Variants in HDAC9 observed in about 807,000 individuals in gnomAD.
HDAC9 encodes the protein histone deacetylase 9, also known as MEF-2 interacting transcription repressor (MITR) protein.
Under a neutral mutation model 139.4 loss-of-function variants are expected in HDAC9, and 41 were observed. The observed-to-expected ratio is 0.29, with a 90% CI of 0.23 to 0.38. The LOEUF (loss-of-function observed/expected upper bound fraction) is 0.38. HDAC9 is among the 10% of genes least tolerant of loss of function. HDAC9 has a pLI of 1.00. For synonymous variants in HDAC9, 517 were observed against 476.2 expected (o/e 1.09, Z -1.12); for missense variants, 1,147 against 1,297.0 (o/e 0.88, Z 1.78).
chr7:18,115,284 C>G (rs1308906089), intron 1 of HDAC9, among the ~76,000 whole-genome samples: 1 of 107,500 alleles, frequency 9.3e-6, no homozygotes, highest in Non-Finnish European at 2.1e-5. Flanking sequence ...CAGAGCGAGA[C>G]TCTGTCTCAA....
intron 1 of HDAC9, chr7:18,430,542 TTATC>T (rs1790544662): frequency 6.6e-6 from 1 of 151,956 alleles, no homozygotes; most frequent in Middle Eastern, 3.4e-3. Context: ...TAAATTATAA[TTATC>T]TACACACATA....
At chr7:18,123,746 A>G (rs552527963) in intron 1 of HDAC9, among the ~76,000 whole-genome samples, 14 of 152,176 alleles carry the variant, frequency 9.2e-5, no homozygotes, top group Non-Finnish European at 1.8e-4. Flanking sequence ...TCATGATTCA[A>G]CATGCTTTTG....
chr7:18,470,706 A>G (rs1171164309), intron 1 of HDAC9, among the ~76,000 whole-genome samples: 2 of 152,154 alleles, frequency 1.3e-5, no homozygotes, highest in Non-Finnish European at 2.9e-5. Flanking sequence ...TATTCCAGTA[A>G]TACATTATTT....
At chr7:18,260,660 AC>A (rs1795610570) in intron 2 of HDAC9, 3 of 154,256 alleles carry the variant, frequency 1.9e-5, no homozygotes, top group Non-Finnish European at 4.4e-5. Flanking sequence ...AGTCAGTACA[AC>A]AGTCCTAGGA....
chr7:18,528,029 T>G, intron 2 of HDAC9, among the ~76,000 whole-genome samples: 1 of 152,022 alleles, frequency 6.6e-6, no homozygotes, highest in Non-Finnish European at 1.5e-5. Flanking sequence ...GGTGGTTCAC[T>G]TCTGTAATCC....
intron 22 of HDAC9, among the ~76,000 whole-genome samples, chr7:18,889,441 T>TA (rs34392281): frequency 0.023 from 3,533 of 151,516 alleles, 128 homozygotes; most frequent in African/African-American, 0.079. Flanking sequence ...TGGAGTGATT[T>TA]AAAAAAAAAT....
rs1372975451 is a variant in HDAC9 at position 18,772,968 on chromosome 7, T to C, written c.2214+5813T>C. The stretch of plus-strand genomic sequence containing the variant: ...ATACTCAATAATAGTTGTTGGGATG[T>C]AGACAACACTCCCTACAGAGATACA... On this transcript the variant is annotated intron_variant, in intron 16 of 25. Coordinates refer to ENST00000686413, the MANE Select transcript of HDAC9 (RefSeq NM_178425.4). Among the ~76,000 whole-genome samples, 5 of 152,246 alleles carry C rather than the reference T, an allele frequency of 3.3e-5. No individual in the cohort carries two copies. In the East Asian group the frequency reaches 9.7e-4, roughly 29 times the overall value.
At position 18,748,788 on chromosome 7, in the gene HDAC9, T is replaced by C. The variant is rs547422155; in HGVS notation, c.1910-217T>C. ...ATTTACTAAACTAGGGTCTGAGTAC[T>C]GGTTAATGCGTAAGTTCGTGTTTTT... On this transcript the variant is annotated intron_variant, in intron 13 of 25. Coordinates refer to ENST00000686413, the MANE Select transcript of HDAC9 (RefSeq NM_178425.4). Among the ~76,000 whole-genome samples, 3 of 152,356 alleles carry C rather than the reference T, an allele frequency of 2.0e-5. No individual in the cohort carries two copies. The Middle Eastern group carries it at 0.01, about 518-fold the overall frequency.
chr7:18,792,451 A>G (rs1446796394), intron 16 of HDAC9, among the ~76,000 whole-genome samples: 1 of 151,970 alleles, frequency 6.6e-6, no homozygotes, highest in Non-Finnish European at 1.5e-5. Context: ...AGTATTTTAT[A>G]TATTAAAAAT....
At chr7:18,144,884 G>A (rs1014707251) in intron 1 of HDAC9, among the ~76,000 whole-genome samples, 1 of 152,130 alleles carries the variant, frequency 6.6e-6, no homozygotes, top group Non-Finnish European at 1.5e-5. Context: ...ACTCCCTGAG[G>A]TCTGAGGAAT....
intron 2 of HDAC9, among the ~76,000 whole-genome samples, chr7:18,574,220 C>A (rs1196615800): frequency 6.6e-6 from 1 of 152,210 alleles, no homozygotes; most frequent in Non-Finnish European, 1.5e-5. Flanking sequence ...CAACACGTGT[C>A]CAGCTTTCAG....
chr7:18,938,274 T>C (rs906241341), intron 23 of HDAC9, among the ~76,000 whole-genome samples: 20 of 137,250 alleles, frequency 1.5e-4, no homozygotes, highest in Admixed American at 2.3e-4. Flanking sequence ...ATATGAGAGA[T>C]TACATATTCT....
chr7:18,616,882 A>C (rs907985518), intron 6 of HDAC9, among the ~76,000 whole-genome samples: 1 of 152,320 alleles, frequency 6.6e-6, no homozygotes, highest in South Asian at 2.1e-4. Flanking sequence ...TAGAGGTTAC[A>C]CCTAAAGACT....
chr7:18,203,021 A>G (rs1197842245), intron 2 of HDAC9, among the ~76,000 whole-genome samples: 1 of 152,222 alleles, frequency 6.6e-6, no homozygotes, highest in Non-Finnish European at 1.5e-5. Context: ...AACATTATAT[A>G]TGCTTTATAA....
At chr7:18,530,346 T>G (rs1392861717) in intron 2 of HDAC9, among the ~76,000 whole-genome samples, 1 of 152,160 alleles carries the variant, frequency 6.6e-6, no homozygotes, top group East Asian at 1.9e-4. Context: ...TTATGGAAGC[T>G]GTCCCCAGAG....
chr7:18,429,671 T>G (rs59473956), intron 1 of HDAC9, among the ~76,000 whole-genome samples: 7,435 of 152,212 alleles, frequency 0.049, 319 homozygotes, highest in East Asian at 0.19. Context: ...AATTTTTTCA[T>G]GTTGTTGCAA....
At chr7:18,151,590 A>T (rs1786785349) in intron 1 of HDAC9, among the ~76,000 whole-genome samples, 1 of 152,180 alleles carries the variant, frequency 6.6e-6, no homozygotes, top group African/African-American at 2.4e-5. Flanking sequence ...GCTGCAGCCT[A>T]TATTGTACTG....
chr7:18,854,905 G>A (rs1183459562), intron 21 of HDAC9, among the ~76,000 whole-genome samples: 2 of 152,124 alleles, frequency 1.3e-5, no homozygotes, highest in African/African-American at 4.8e-5. Flanking sequence ...AACCCCCAAG[G>A]TAGGCAACAT....
intron 14 of HDAC9, among the ~76,000 whole-genome samples, chr7:18,753,040 A>G (rs1483337712): frequency 1.3e-5 from 2 of 152,122 alleles, no homozygotes; most frequent in African/African-American, 4.8e-5. Flanking sequence ...TGATGTATCC[A>G]TTCGATGATG....
Sources: gnomAD v4.1 joint callset for allele counts (sites outside exome capture counted in the v4.1 genomes callset) on GRCh38, gnomAD v4.1.1 for gene constraint, MANE v1.5 for transcripts, NCBI Gene and HGNC (gene_info 2026-07-23, HGNC 2026-07-21) for gene names.